Variants in MRPS21 observed in about 807,000 individuals in gnomAD.
The protein encoded by MRPS21 is mitochondrial ribosomal protein S21.
MRPS21 carries 8 observed loss-of-function variants against 9.9 expected under a neutral mutation model. The observed-to-expected ratio is 0.81, with a 90% confidence interval of 0.47 to 1.45. The LOEUF is 1.45. Ranked by LOEUF, MRPS21 falls within the 40% of genes most tolerant of loss-of-function variation. MRPS21 has a pLI of 0.00. For synonymous variants in MRPS21, 40 were observed against 40.3 expected, an observed-to-expected ratio of 0.99 and a Z score of 0.03; for missense variants, 101 against 118.9, an observed-to-expected ratio of 0.85 and a Z score of 0.70.
At chr1:150,298,774 G>C (rs1654006454) in intron 2 of MRPS21, among the ~76,000 whole-genome samples, 1 of 152,010 alleles carries the variant, frequency 6.6e-6, no homozygotes, top group African/African-American at 2.4e-5. Context: ...CTAATTTTTT[G>C]TATTTTTAGT....
intron 2 of MRPS21, among the ~76,000 whole-genome samples, chr1:150,296,807 A>G (rs960839765): frequency 2.0e-5 from 3 of 152,176 alleles, no homozygotes; most frequent in Non-Finnish European, 4.4e-5. Flanking sequence ...TCATTTTCCA[A>G]TTTAGAATCC....
chr1:150,302,221 C>T (rs1472713990), intron 2 of MRPS21, among the ~76,000 whole-genome samples: 4 of 152,134 alleles, frequency 2.6e-5, no homozygotes, highest in Non-Finnish European at 5.9e-5. Flanking sequence ...GTGATTAAAG[C>T]TTTACCATGT....
intron 2 of MRPS21, among the ~76,000 whole-genome samples, chr1:150,298,333 A>ACT (rs1202598808): frequency 1.3e-5 from 2 of 151,748 alleles, no homozygotes; most frequent in Admixed American, 1.3e-4. Flanking sequence ...GTGTAACTTC[A>ACT]CTCTTTTTTT....
rs143795963 is a variant in MRPS21 at position 150,294,123 on chromosome 1, A to G, written c.-32-212A>G. On this transcript the variant is annotated intron_variant, in intron 1 of 2. Transcript: ENST00000614145. ...GTCTTTGTGGTAACGCCCTGCTGCC[A>G]TCTCTTTTCTTCTCTATGCGAGGAT... is the stretch of plus-strand genomic sequence containing the variant. 4.9e-4 allele frequency: 214 copies of G among 436,326 alleles called. 2 individuals carry two copies. The East Asian group carries it at 8.0e-3, about 16-fold the overall frequency. The allele number at this position is 436,326 out of a possible 1,614,324, so 27.0% of individuals were successfully genotyped here. A position where few individuals can be genotyped will look rare whatever the true frequency, so the allele number is the denominator to read the frequency against.
chr1:150,297,939 T>TTC (rs1216980536), intron 2 of MRPS21, among the ~76,000 whole-genome samples: 3 of 74 alleles, frequency 0.041, no homozygotes, highest in African/African-American at 0.11. Flanking sequence ...CAAAATGAAC[T>TTC]TTTTTTTTTT....
rs117776806 is a variant in MRPS21 at position 150,307,039 on chromosome 1, T to A, written c.84-1009T>A. On this transcript the variant is annotated intron_variant, in intron 2 of 2. Coordinates refer to ENST00000614145, the MANE Select transcript of MRPS21 (RefSeq NM_031901.6). ...AAGGGCCATGTAATTAATTGCTTTT[T>A]TATTTCCCCAATTTTTTTTTTTTGA... 1.5e-4 allele frequency among the ~76,000 whole-genome samples: 16 copies of A among 104,106 alleles called. No individual in the cohort carries two copies. In the East Asian group the frequency reaches 4.7e-3, roughly 31 times the overall value. 68.3% of individuals were successfully genotyped at this position (104,106 alleles called of 152,430 possible). A position where few individuals can be genotyped will look rare whatever the true frequency, so the allele number is the denominator to read the frequency against.
chr1:150,297,157 G>A (rs1327649723), intron 2 of MRPS21, among the ~76,000 whole-genome samples: 5 of 152,122 alleles, frequency 3.3e-5, no homozygotes, highest in Non-Finnish European at 7.3e-5. Context: ...CGGGCGTGGT[G>A]GCACACACCT....
At chr1:150,306,450 G>C (rs934518085) in intron 2 of MRPS21, among the ~76,000 whole-genome samples, 2 of 151,696 alleles carry the variant, frequency 1.3e-5, no homozygotes, top group Admixed American at 1.3e-4. Flanking sequence ...ATTTTTAGTA[G>C]AGGTGGGGTT....
chr1:150,305,596 G>GATTTGT, intron 2 of MRPS21, among the ~76,000 whole-genome samples: 1 of 152,088 alleles, frequency 6.6e-6, no homozygotes, highest in East Asian at 1.9e-4. Flanking sequence ...TAGGGCACGT[G>GATTTGT]TTTTGTTTTT....
At position 150,308,529 on chromosome 1, in the gene MRPS21, TGAA is replaced by T. The variant is rs1163361596; in HGVS notation, c.*302_*304del. ...GGTACAGAGTTTCAGTTTGGGCAGATGAAAAAGTTCAGGAGACGATGGCCTGGC... is the reference window on the plus strand; with the variant it reads ...GGTACAGAGTTTCAGTTTGGGCAGATAAAGTTCAGGAGACGATGGCCTGGC... On this transcript the variant is annotated 3_prime_UTR_variant, in exon 3 of 3. Coordinates refer to ENST00000614145, the MANE Select transcript of MRPS21 (RefSeq NM_031901.6). 4.7e-6 allele frequency: 1 copy of T among 211,114 alleles called. No individual in the cohort carries two copies. Among genetic ancestry groups the T allele is most frequent in the Non-Finnish European group, 9.5e-6 (1 of 105,284 alleles). The allele number at this position is 211,114 out of a possible 1,614,324, so 13.1% of individuals were successfully genotyped here. A position where few individuals can be genotyped will look rare whatever the true frequency, so the allele number is the denominator to read the frequency against.
At chr1:150,304,098 G>T in intron 2 of MRPS21, 1 of 380,520 alleles carries the variant, frequency 2.6e-6, no homozygotes, top group South Asian at 1.9e-5. Flanking sequence ...ATCACCTGAG[G>T]TCAGGAGTTT....
chr1:150,300,868 ATTC>A (rs1381815516), intron 2 of MRPS21, among the ~76,000 whole-genome samples: 3 of 152,136 alleles, frequency 2.0e-5, no homozygotes, highest in South Asian at 2.1e-4. Flanking sequence ...AAAGAATTAT[ATTC>A]TTTTCTTTTT....
chr1:150,296,373 G>T (rs1341046920), intron 2 of MRPS21, among the ~76,000 whole-genome samples: 2 of 152,202 alleles, frequency 1.3e-5, no homozygotes, highest in Non-Finnish European at 2.9e-5. Flanking sequence ...CCAATGTGAA[G>T]TAACATTTGG....
intron 2 of MRPS21, among the ~76,000 whole-genome samples, chr1:150,302,025 T>C (rs905244920): frequency 1.3e-5 from 2 of 152,208 alleles, no homozygotes; most frequent in African/African-American, 4.8e-5. Flanking sequence ...CACTTTTCTG[T>C]TTCTTCTTTT....
chr1:150,300,640 C>T (rs906057114), intron 2 of MRPS21, among the ~76,000 whole-genome samples: 5 of 152,148 alleles, frequency 3.3e-5, no homozygotes, highest in Admixed American at 6.6e-5. Context: ...ACTTCGTATT[C>T]GTTGCCATTG....
intron 2 of MRPS21, among the ~76,000 whole-genome samples, chr1:150,297,058 A>G (rs372743994): frequency 2.5e-4 from 38 of 149,328 alleles, no homozygotes; most frequent in African/African-American, 8.9e-4. Flanking sequence ...TTGGGAGGCC[A>G]AGGCGGGCGG....
intron 2 of MRPS21, chr1:150,303,893 T>C (rs1240434737): frequency 2.2e-6 from 1 of 456,068 alleles, no homozygotes; most frequent in Non-Finnish European, 4.4e-6. Context: ...TTGGCATACA[T>C]TTCCTAGTTG....
At chr1:150,303,234 C>G (rs112683841) in intron 2 of MRPS21, among the ~76,000 whole-genome samples, 1 of 152,134 alleles carries the variant, frequency 6.6e-6, no homozygotes, top group African/African-American at 2.4e-5. Context: ...TACTCAGGGT[C>G]TCTGTCGTTT....
intron 2 of MRPS21, among the ~76,000 whole-genome samples, chr1:150,300,601 A>T (rs1654080408): frequency 6.6e-6 from 1 of 152,228 alleles, no homozygotes; most frequent in Non-Finnish European, 1.5e-5. Flanking sequence ...AATTTCTTTG[A>T]AGCTTCCCTA....
Sources: gnomAD v4.1 joint callset for allele counts (sites outside exome capture counted in the v4.1 genomes callset) on GRCh38, gnomAD v4.1.1 for gene constraint, MANE v1.5 for transcripts, NCBI Gene and HGNC (gene_info 2026-07-23, HGNC 2026-07-21) for gene names.